The following FAM167A variants were observed in gnomAD, a reference collection of about 807,000 sequenced individuals.
The protein encoded by FAM167A is family with sequence similarity 167 member A, also known as protein FAM167A.
FAM167A carries 23 observed loss-of-function variants against 14.9 expected under a neutral mutation model. That is an observed-to-expected ratio of 1.55 (90% CI 1.11 to 2.19). The LOEUF (loss-of-function observed/expected upper bound fraction) is 2.19, where lower values mean the gene tolerates loss of function less well. Among genes scored for constraint, FAM167A ranks in the 30% most tolerant of loss-of-function variants. The pLI is 0.00. For missense variants in FAM167A, 401 were observed against 281.5 expected (o/e 1.42, Z -3.04); for synonymous variants, 174 against 117.7 (o/e 1.48, Z -3.10).
chr8:11,473,868 T>G (rs761387685), intron 1 of FAM167A, among the ~76,000 whole-genome samples: 1 of 152,106 alleles, frequency 6.6e-6, no homozygotes. Context: ...TCTTTTTCTT[T>G]TCTTTCTTTC....
upstream of FAM167A, among the ~76,000 whole-genome samples, chr8:11,469,399 C>A (rs1807885579): frequency 6.6e-6 from 1 of 152,156 alleles, no homozygotes; most frequent in Admixed American, 6.5e-5. Context: ...TTGTGTCAGG[C>A]ACACTGAAAC....
intron 1 of FAM167A, among the ~76,000 whole-genome samples, chr8:11,450,117 T>C (rs1017164364): frequency 1.1e-4 from 16 of 152,190 alleles, no homozygotes; most frequent in Admixed American, 1.0e-3. Flanking sequence ...CCGGACACCA[T>C]GCTCTTTCAC....
intron 1 of FAM167A, among the ~76,000 whole-genome samples, chr8:11,453,233 G>A (rs992624415): frequency 6.6e-6 from 1 of 152,186 alleles, no homozygotes; most frequent in Admixed American, 6.5e-5. Context: ...AGCGCAAGTG[G>A]TACAATCACA....
intron 2 of FAM167A, 109 bp downstream of exon 2, chr8:11,443,922 G>A (rs2117084244): frequency 1.5e-6 from 2 of 1,341,152 alleles, no homozygotes; most frequent in South Asian, 1.4e-5. Flanking sequence ...AGAGAGAGGG[G>A]AAGAAATACA....
rs1804876643 is a variant in FAM167A at position 11,423,132 on chromosome 8, G to GGACTC, written c.*1236_*1240dup. 6.6e-6 allele frequency: 1 copy of GGACTC among 152,406 alleles called. No homozygotes were observed. Among genetic ancestry groups the GGACTC allele is most frequent in the African/African-American group, 2.4e-5 (1 of 41,412 alleles). 9.4% of individuals were successfully genotyped at this position (152,406 alleles called of 1,614,324 possible). On this transcript the variant is annotated 3_prime_UTR_variant, in exon 3 of 3. Transcript: ENST00000284486. ...TCACTTTGCTCCTTTACTAATGAGA[G>GGACTC]GACTCGACTAGATGACACCAAAGGT...
intron 2 of FAM167A, among the ~76,000 whole-genome samples, chr8:11,435,748 A>G (rs1036183577): frequency 6.6e-6 from 1 of 152,140 alleles, no homozygotes; most frequent in Non-Finnish European, 1.5e-5. Context: ...CTAAGCTTCA[A>G]TTTCCTCATC....
rs201058431 is a variant in FAM167A, at chr8:11,424,528, G to A, written c.490C>T (p.Leu164Phe). 16 of 1,614,076 alleles carry A rather than the reference G, an allele frequency of 9.9e-6. No individual in the cohort carries two copies. Among genetic ancestry groups the A allele is most frequent in the African/African-American group, 1.3e-5 (1 of 74,924 alleles). ...EHTCRLHRRM[L>F]NDATYELEER... ...TCCAGCTCGTAGGTGGCATCGTTGAGCATCCTCCTGTGGAGGCGGCAGGTG... is the reference window on the plus strand; with the variant it reads ...TCCAGCTCGTAGGTGGCATCGTTGAACATCCTCCTGTGGAGGCGGCAGGTG... The change falls in exon 3 of 3, where the codon CTC (leucine) becomes TTC (phenylalanine). Residue 164 changes from leucine to phenylalanine, a missense_variant. By Grantham distance (22) the Leu-to-Phe change is conservative. Coordinates refer to ENST00000284486, the MANE Select transcript of FAM167A (RefSeq NM_053279.3).
intron 1 of FAM167A, chr8:11,446,542 T>C (rs1159639407): frequency 6.6e-6 from 1 of 152,200 alleles, no homozygotes; most frequent in East Asian, 1.9e-4. Context: ...AACCACTGTC[T>C]CCAGATGCAG....
chr8:11,473,192 G>A (rs911869346), intron 1 of FAM167A, among the ~76,000 whole-genome samples: 3 of 152,220 alleles, frequency 2.0e-5, no homozygotes, highest in African/African-American at 4.8e-5. Context: ...ATGCAGGAGC[G>A]AGGACACAGG....
intron 1 of FAM167A, among the ~76,000 whole-genome samples, chr8:11,456,782 G>A (rs1238764487): frequency 2.7e-5 from 4 of 149,642 alleles, no homozygotes; most frequent in African/African-American, 9.9e-5. Context: ...TTAGGGGAGT[G>A]CGGCTGGCTA....
At chr8:11,436,426 C>G (rs1424995040) in intron 2 of FAM167A, among the ~76,000 whole-genome samples, 2 of 152,214 alleles carry the variant, frequency 1.3e-5, no homozygotes, top group South Asian at 4.1e-4. Context: ...GCTGTTCTTG[C>G]TGGGCCCCCG....
At chr8:11,431,004 G>A (rs1011468704) in intron 2 of FAM167A, among the ~76,000 whole-genome samples, 5 of 152,186 alleles carry the variant, frequency 3.3e-5, no homozygotes, top group South Asian at 2.1e-4. Flanking sequence ...ACAGCATGGC[G>A]GGTCCCGGAA....
chr8:11,450,738 C>T (rs1806990352), intron 1 of FAM167A, among the ~76,000 whole-genome samples: 1 of 152,234 alleles, frequency 6.6e-6, no homozygotes, highest in Non-Finnish European at 1.5e-5. Context: ...CTCACAGCGA[C>T]CTGTCCTTGC....
chr8:11,425,913 G>A (rs548338729), intron 2 of FAM167A, among the ~76,000 whole-genome samples: 20 of 152,236 alleles, frequency 1.3e-4, no homozygotes, highest in South Asian at 6.2e-4. Context: ...TACATCTGTA[G>A]AGCATTTCCA....
intron 2 of FAM167A, among the ~76,000 whole-genome samples, chr8:11,431,264 A>C (rs1392454797): frequency 6.6e-6 from 1 of 152,274 alleles, no homozygotes; most frequent in Non-Finnish European, 1.5e-5. Context: ...TCTTGAGGAC[A>C]TTATGCTAAG....
intron 1 of FAM167A, among the ~76,000 whole-genome samples, chr8:11,462,431 C>T (rs1278355126): frequency 1.3e-5 from 2 of 152,178 alleles, no homozygotes; most frequent in African/African-American, 2.4e-5. Flanking sequence ...TTTTTAGTTA[C>T]ACCTCTAATA....
intron 2 of FAM167A, among the ~76,000 whole-genome samples, chr8:11,435,914 G>A (rs532664052): frequency 4.9e-4 from 75 of 152,290 alleles, no homozygotes; most frequent in African/African-American, 1.7e-3. Flanking sequence ...ACCATATCCC[G>A]TCTTCATACA....
intron 1 of FAM167A, chr8:11,445,423 A>G: frequency 1.0e-6 from 1 of 985,598 alleles, no homozygotes; most frequent in Non-Finnish European, 1.2e-6. Context: ...ACCTTACCTC[A>G]CCTCTTCAGA....
At chr8:11,464,943 C>T (rs918056830) in intron 1 of FAM167A, among the ~76,000 whole-genome samples, 5 of 152,098 alleles carry the variant, frequency 3.3e-5, no homozygotes, top group Admixed American at 6.5e-5. Context: ...GACAGGAAGG[C>T]GGGGACTGGC....
Sources: gnomAD v4.1 joint callset for allele counts (sites outside exome capture counted in the v4.1 genomes callset) on GRCh38, gnomAD v4.1.1 for gene constraint, MANE v1.5 for transcripts, NCBI Gene and HGNC (gene_info 2026-07-23, HGNC 2026-07-21) for gene names.